The following CYP2R1 variants were observed in gnomAD, a reference collection of about 807,000 sequenced individuals.
CYP2R1 encodes the protein vitamin D 25-hydroxylase.
In CYP2R1, 40 loss-of-function variants were observed where a neutral mutation model predicts 45.7. The ratio of observed to expected loss-of-function variants is 0.87; its 90% CI spans 0.68 to 1.14. The LOEUF is 1.14. CYP2R1 is among the 50% of genes most tolerant of loss of function. The probability of loss-of-function intolerance (pLI) is 0.00; values close to 1 mark genes in which losing one functional copy is unlikely to be tolerated. For synonymous variants in CYP2R1, 234 were observed against 219.3 expected (o/e 1.07, Z -0.59); for missense variants, 605 against 602.6 (o/e 1.00, Z -0.04).
upstream of CYP2R1, chr11:14,892,272 A>G (rs2134123586): frequency 4.1e-6 from 6 of 1,479,666 alleles, no homozygotes; most frequent in South Asian, 1.2e-5. Flanking sequence ...CAGCCCTGCC[A>G]TACTCCCATT....
At position 14,880,603 on chromosome 11, in the gene CYP2R1, T is replaced by A; in HGVS notation, c.533A>T (p.Asp178Val). The A allele has an allele frequency of 6.2e-7, 1 of 1,612,762 alleles. No homozygotes were observed. The highest frequency in any genetic ancestry group is 8.5e-7 in the Non-Finnish European group (1 of 1,179,168). Residue 178 changes from aspartate (D) to valine (V), a missense_variant, in exon 3 of 5, where the codon GAC (aspartate) becomes GTC (valine). Transcript: ENST00000334636. ...AGCATTCGTTATTAACTGTTTAAAG[T>A]CAAAAGGTCTACCTTTGTATGTTTC... ...AIETYKGRPF[D>V]FKQLITNAVS...
intron 4 of CYP2R1, among the ~76,000 whole-genome samples, chr11:14,878,809 T>C (rs558995458): frequency 6.6e-6 from 1 of 152,226 alleles, no homozygotes; most frequent in South Asian, 2.1e-4. Context: ...CTTTTCCCTC[T>C]CTGGGTCTCA....
intron 1 of CYP2R1, 25 bp downstream of exon 1, chr11:14,891,956 T>C: frequency 6.2e-7 from 1 of 1,609,164 alleles, no homozygotes; most frequent in Non-Finnish European, 8.5e-7. Flanking sequence ...CGGCCCTCCC[T>C]GCCCGGGGCC....
At position 14,885,823 on chromosome 11, in the gene CYP2R1, G is replaced by C; in HGVS notation, c.320C>G (p.Ala107Gly). 1 of 1,613,442 alleles carries C rather than the reference G, an allele frequency of 6.2e-7. No individual in the cohort carries two copies. The highest frequency in any genetic ancestry group is 8.5e-7 in the Non-Finnish European group (1 of 1,179,778). Residue 107 changes from alanine to glycine, a missense_variant, in exon 2 of 5, where the codon GCA becomes GGA. Coordinates refer to ENST00000334636, the MANE Select transcript of CYP2R1 (RefSeq NM_024514.5). ...ECLVHQSEIF[A>G]DRPCLPLFMK... is the part of the protein sequence containing the mutation. ...GAATAAAGGAAGGCATGGTCTGTCTGCAAAAATTTCGCTTTGATGAACAAG... is the reference window on the plus strand; with the variant it reads ...GAATAAAGGAAGGCATGGTCTGTCTCCAAAAATTTCGCTTTGATGAACAAG...
chr11:14,881,265 G>A (rs1848374152), intron 2 of CYP2R1, among the ~76,000 whole-genome samples: 1 of 152,070 alleles, frequency 6.6e-6, no homozygotes, highest in Non-Finnish European at 1.5e-5. Flanking sequence ...TATGACAGGG[G>A]TAAGGGTACT....
intron 2 of CYP2R1, among the ~76,000 whole-genome samples, chr11:14,883,846 C>A (rs1226450823): frequency 4.6e-5 from 7 of 152,056 alleles, no homozygotes; most frequent in South Asian, 4.1e-4. Flanking sequence ...AAGAAAAAAA[C>A]AACCCCATCA....
At chr11:14,887,667 T>C (rs1201010247) in intron 1 of CYP2R1, 3 of 984,706 alleles carry the variant, frequency 3.0e-6, no homozygotes, top group East Asian at 2.3e-4. Flanking sequence ...TCTCTTTCCC[T>C]CACCCAAACC....
At chr11:14,883,520 T>C (rs1247507820) in intron 2 of CYP2R1, among the ~76,000 whole-genome samples, 1 of 151,006 alleles carries the variant, frequency 6.6e-6, no homozygotes, top group Non-Finnish European at 1.5e-5. Flanking sequence ...TTACACCTTA[T>C]ACAAAAATTA....
Position 14,877,932 on chromosome 11 carries a change from G to T in CYP2R1, c.*190C>A. The T allele has an allele frequency of 3.4e-6, 2 of 595,868 alleles. No homozygotes were observed. The highest frequency in any genetic ancestry group is 2.9e-5 in the East Asian group (1 of 34,542). The allele number at this position is 595,868 out of a possible 1,614,324, so 36.9% of individuals were successfully genotyped here. A position where few individuals can be genotyped will look rare whatever the true frequency, so the allele number is the denominator to read the frequency against. ...CTCAACAGAGAATTTTACCCCAGAA[G>T]TCATAAAATCTTGAAAAACAATCAC... On this transcript the variant is annotated 3_prime_UTR_variant, in exon 5 of 5. Transcript: ENST00000334636.
chr11:14,889,281 C>T (rs560187454), intron 1 of CYP2R1, among the ~76,000 whole-genome samples: 3 of 151,002 alleles, frequency 2.0e-5, no homozygotes, highest in Non-Finnish European at 4.4e-5. Context: ...CAGGAGGGAA[C>T]AATATTCTTC....
At chr11:14,891,857 A>G in intron 1 of CYP2R1, 124 bp downstream of exon 1, 1 of 1,409,630 alleles carries the variant, frequency 7.1e-7, no homozygotes, top group Non-Finnish European at 9.4e-7. Context: ...CTCAAAGGGC[A>G]GCCGGCACAC....
Position 14,884,245 on chromosome 11 carries a change from G to A in CYP2R1, c.367+1531C>T, listed in dbSNP as rs555109063. ...ACACATGCACACATATGTTTATTGC[G>A]GCACTATTCACAATAGCAAAGACTT... On this transcript the variant is annotated intron_variant, in intron 2 of 4. Transcript: ENST00000334636. 3.3e-4 allele frequency among the ~76,000 whole-genome samples: 50 copies of A among 151,826 alleles called. No homozygotes were observed. In the South Asian group the frequency reaches 6.9e-3, roughly 21 times the overall value.
Position 14,891,977 on chromosome 11 carries a change from G to A in CYP2R1, c.225+4C>T. On this transcript the variant is annotated splice_donor_region_variant and intron_variant, in intron 1 of 4. Transcript: ENST00000334636. Reference sequence around the variant, plus strand: ...TCCCTGCCCGGGGCCCGTCGGGGCTGTACCTCTCCGTACACCTGGCTCTGC... The same window carrying A: ...TCCCTGCCCGGGGCCCGTCGGGGCTATACCTCTCCGTACACCTGGCTCTGC... The A allele has an allele frequency of 6.2e-7, 1 of 1,612,880 alleles. No homozygotes were observed. Among genetic ancestry groups the A allele is most frequent in the South Asian group, 1.1e-5 (1 of 90,986 alleles).
chr11:14,892,173 C>A lies in CYP2R1; in HGVS notation c.33G>T (p.Ala11=). Residue 11 remains alanine (A), a synonymous_variant, in exon 1 of 5, where the codon GCG becomes GCT. Coordinates refer to ENST00000334636, the MANE Select transcript of CYP2R1 (RefSeq NM_024514.5). MWKLWRAEEG[A]AALGGALFLL... ...GGAAGAGCGCGCCGCCGAGCGCCGC[C>A]GCGCCCTCTTCAGCTCTCCAAAGCT... is the stretch of plus-strand genomic sequence containing the variant. The A allele has an allele frequency of 6.2e-7, 1 of 1,610,782 alleles. No individual in the cohort carries two copies. The highest frequency in any genetic ancestry group is 2.2e-5 in the East Asian group (1 of 44,836).
At chr11:14,891,296 T>C (rs1555016791) in intron 1 of CYP2R1, 1 of 985,278 alleles carries the variant, frequency 1.0e-6, no homozygotes, top group African/African-American at 1.7e-5. Flanking sequence ...GCAGTGACAG[T>C]GGCACACAGA....
Position 14,889,281 on chromosome 11 carries a change from C to A in CYP2R1, c.225+2700G>T, listed in dbSNP as rs560187454. On this transcript the variant is annotated intron_variant, in intron 1 of 4. Coordinates refer to ENST00000334636, the MANE Select transcript of CYP2R1 (RefSeq NM_024514.5). ...AACTTTTTGGAAGCACAGGAGGGAA[C>A]AATATTCTTCAACCTCCAAAAAAAG... 3.7e-3 allele frequency among the ~76,000 whole-genome samples: 555 copies of A among 151,120 alleles called. 2 individuals are homozygous for A. The highest frequency in any genetic ancestry group is 0.013 in the African/African-American group (530 of 41,192).
At position 14,879,334 on chromosome 11, in the gene CYP2R1, T is replaced by C; in HGVS notation, c.1110A>G (p.Arg370=). The part of the protein sequence containing the change: ...YTEAVLHEVL[R]FCNIVPLGIF... ...TCCCTAATGGAACTATATTACAGAA[T>C]CTTAAAACTTCATGCAAAACTGCCT... The change falls in exon 4 of 5, where the codon AGA becomes AGG. Residue 370 remains arginine (R), a synonymous_variant. Transcript: ENST00000334636. 6.2e-7 allele frequency: 1 copy of C among 1,612,924 alleles called. No individual in the cohort carries two copies. The highest frequency in any genetic ancestry group is 8.5e-7 in the Non-Finnish European group (1 of 1,179,554).
chr11:14,877,560 A>C lies in CYP2R1; in HGVS notation c.*562T>G, dbSNP rs964918947. 2.0e-5 allele frequency: 3 copies of C among 152,428 alleles called. No individual in the cohort carries two copies. The highest frequency in any genetic ancestry group is 4.4e-5 in the Non-Finnish European group (3 of 68,232). 9.4% of individuals were successfully genotyped at this position (152,428 alleles called of 1,614,324 possible). ...AGAATGACACAGTTCTTATGAAGAC[A>C]GAGCAGGAAGCAAGATATGAAAGCA... On this transcript the variant is annotated 3_prime_UTR_variant, in exon 5 of 5. Transcript: ENST00000334636.
chr11:14,885,121 AACTC>A (rs1161675468), intron 2 of CYP2R1, among the ~76,000 whole-genome samples: 1 of 152,208 alleles, frequency 6.6e-6, no homozygotes, highest in African/African-American at 2.4e-5. Context: ...TTAAATGTGA[AACTC>A]AGAGAATTTA....
Sources: allele counts gnomAD v4.1 joint callset (sites outside exome capture counted in the v4.1 genomes callset), GRCh38; gene constraint gnomAD v4.1.1; transcripts MANE v1.5; gene names NCBI Gene and HGNC (gene_info 2026-07-23, HGNC 2026-07-21).